Variants in HNRNPH3 observed in about 807,000 individuals in gnomAD.
The protein encoded by HNRNPH3 is heterogeneous nuclear ribonucleoprotein H3, also known as heterogeneous nuclear ribonucleoprotein 2H9.
A neutral mutation model predicts 47.0 loss-of-function variants in HNRNPH3; 7 were observed. The ratio of observed to expected loss-of-function variants is 0.15; its 90% confidence interval spans 0.08 to 0.28. The LOEUF is 0.28. Ranked by LOEUF, HNRNPH3 falls within the 10% of genes least tolerant of loss-of-function variation. The pLI is 1.00. For synonymous variants in HNRNPH3, 120 were observed against 143.2 expected, an observed-to-expected ratio of 0.84 and a Z score of 1.16; for missense variants, 279 against 449.6, an observed-to-expected ratio of 0.62 and a Z score of 3.43.
intron 1 of HNRNPH3, 200 bp from the exon 2 acceptor site, chr10:68,336,999 G>A (rs912887819): frequency 9.2e-5 from 39 of 425,816 alleles, no homozygotes; most frequent in African/African-American, 3.3e-4. Context: ...GTACTTTTCC[G>A]TAGGAGGGGG....
intron 1 of HNRNPH3, among the ~76,000 whole-genome samples, chr10:68,334,816 GA>G (rs2045453281): frequency 6.6e-6 from 1 of 152,208 alleles, no homozygotes; most frequent in African/African-American, 2.4e-5. Flanking sequence ...TTGTTGCAAA[GA>G]AAGGTTGAGG....
At chr10:68,333,842 G>A (rs748171711) in intron 1 of HNRNPH3, among the ~76,000 whole-genome samples, 2 of 152,182 alleles carry the variant, frequency 1.3e-5, no homozygotes, top group Non-Finnish European at 2.9e-5. Flanking sequence ...GCTTTCTCAA[G>A]ATTGCCAAGG....
In HNRNPH3 at chr10:68,337,798, G is replaced by A; in HGVS notation, c.113-60G>A. ...TTGTTTTAAATATTTGATTCAGATG[G>A]GAATGTTTCAGCCTTTAACACTGTT... On this transcript the variant is annotated intron_variant, in intron 2 of 9. Coordinates refer to ENST00000265866, the MANE Select transcript of HNRNPH3 (RefSeq NM_012207.3). This position sits in a 1 kb window ranked among gnomAD's most constrained non-coding sequence, Gnocchi z 4.5. 1 of 1,384,368 alleles carries A rather than the reference G, an allele frequency of 7.2e-7. No individual in the cohort carries two copies. The highest frequency in any genetic ancestry group is 1.0e-6 in the Non-Finnish European group (1 of 1,003,214). 85.8% of individuals were successfully genotyped at this position (1,384,368 alleles called of 1,614,324 possible).
intron 1 of HNRNPH3, among the ~76,000 whole-genome samples, chr10:68,335,162 C>T (rs1284550842): frequency 6.6e-6 from 1 of 151,468 alleles, no homozygotes; most frequent in African/African-American, 2.4e-5. Flanking sequence ...TCCAAAAATC[C>T]AATTGGCTTG....
At position 68,341,958 on chromosome 10, in the gene HNRNPH3, C is replaced by T; in HGVS notation, c.965-20C>T. ...TGCAGATATCTCCTGCTGAGTGATT[C>T]TTAATATCTTTTTCTTAAGGCCGTG... On this transcript the variant is annotated intron_variant, in intron 9 of 9. Transcript: ENST00000265866. 6.2e-7 allele frequency: 1 copy of T among 1,612,356 alleles called. No individual in the cohort carries two copies. Among genetic ancestry groups the T allele is most frequent in the South Asian group, 1.1e-5 (1 of 91,026 alleles).
At chr10:68,339,618 ATTC>A in intron 6 of HNRNPH3, 63 bp downstream of exon 6, 1 of 992,714 alleles carries the variant, frequency 1.0e-6, no homozygotes, top group Non-Finnish European at 1.6e-6. Flanking sequence ...ATCTTTAAGC[ATTC>A]TTAATGTTCT....
At chr10:68,339,328 G>C in intron 5 of HNRNPH3, 102 bp downstream of exon 5, 5 of 1,558,994 alleles carry the variant, frequency 3.2e-6, no homozygotes, top group Non-Finnish European at 4.4e-6. Context: ...AGTTAATTCA[G>C]ACAAATTTCA....
intron 5 of HNRNPH3, 92 bp downstream of exon 5, chr10:68,339,318 A>C (rs569021387): frequency 1.3e-6 from 2 of 1,566,064 alleles, no homozygotes; most frequent in African/African-American, 2.7e-5. Flanking sequence ...ACTTGTATAA[A>C]GTTAATTCAG....
chr10:68,335,486 TC>T (rs1385808230), intron 1 of HNRNPH3, among the ~76,000 whole-genome samples: 3 of 152,048 alleles, frequency 2.0e-5, no homozygotes, highest in Non-Finnish European at 2.9e-5. Flanking sequence ...TTTTTTTTTT[TC>T]CCAAACTGGA....
chr10:68,336,872 T>G lies in HNRNPH3; in HGVS notation c.-23-327T>G, dbSNP rs559110112. On this transcript the variant is annotated intron_variant, in intron 1 of 9. Coordinates refer to ENST00000265866, the MANE Select transcript of HNRNPH3 (RefSeq NM_012207.3). ...AAGTGGTGAATGAAAATTTGAGAGATAAGGAAAGGCTAGAGTTGGCATTCA... is the reference window on the plus strand; with the variant it reads ...AAGTGGTGAATGAAAATTTGAGAGAGAAGGAAAGGCTAGAGTTGGCATTCA... The G allele has an allele frequency of 7.4e-4, 143 of 194,070 alleles. 1 individual carries two copies. Among genetic ancestry groups the G allele is most frequent in the Non-Finnish European group, 1.3e-3 (125 of 96,248 alleles). The allele number at this position is 194,070 out of a possible 1,614,324, so 12.0% of individuals were successfully genotyped here. A position where few individuals can be genotyped will look rare whatever the true frequency, so the allele number is the denominator to read the frequency against.
rs1361841238 is a variant in HNRNPH3 at position 68,336,911 on chromosome 10, G to A, written c.-23-288G>A. ...AGTTGGCATTCAGGGGACACAAATA[G>A]TTTGAAGACTCTGGTAGTAGAATTA... On this transcript the variant is annotated intron_variant, in intron 1 of 9. Transcript: ENST00000265866. 18 of 248,396 alleles carry A rather than the reference G, an allele frequency of 7.2e-5. No individual in the cohort carries two copies. In the South Asian group the frequency reaches 9.5e-4, roughly 13 times the overall value. The allele number at this position is 248,396 out of a possible 1,614,324, so 15.4% of individuals were successfully genotyped here. A position where few individuals can be genotyped will look rare whatever the true frequency, so the allele number is the denominator to read the frequency against.
chr10:68,335,420 G>C (rs1419187666), intron 1 of HNRNPH3, among the ~76,000 whole-genome samples: 3 of 132,568 alleles, frequency 2.3e-5, no homozygotes, highest in African/African-American at 7.7e-5. Context: ...TTTTTAGGTT[G>C]GTGCTATTTA....
chr10:68,338,058 T>G, intron 3 of HNRNPH3, 62 bp downstream of exon 3: 1 of 1,279,290 alleles, frequency 7.8e-7, no homozygotes. Context: ...GGGTCACTAT[T>G]GCTTAAATGG....
chr10:68,339,239 T>C lies in HNRNPH3; in HGVS notation c.523+13T>C, dbSNP rs778448588. 2 of 1,579,440 alleles carry C rather than the reference T, an allele frequency of 1.3e-6. No homozygotes were observed. The highest frequency in any genetic ancestry group is 1.7e-5 in the Admixed American group (1 of 58,878). Reference sequence around the variant, plus strand: ...AGAGATGGAAGAGGTAAAATAAATATTAAAGACATTTTTATTCATAGGTAA... The same window carrying C: ...AGAGATGGAAGAGGTAAAATAAATACTAAAGACATTTTTATTCATAGGTAA... On this transcript the variant is annotated intron_variant, in intron 5 of 9. Coordinates refer to ENST00000265866, the MANE Select transcript of HNRNPH3 (RefSeq NM_012207.3).
chr10:68,342,363 A>G lies in HNRNPH3; in HGVS notation c.*309A>G, dbSNP rs908780170. On this transcript the variant is annotated 3_prime_UTR_variant, in exon 10 of 10. Transcript: ENST00000265866. ...GTTGATGTATTTTACTATTAGTTCT[A>G]CAAGAAGTAGTGTGGTGTAATTTTA... The G allele has an allele frequency of 5.9e-5, 14 of 237,082 alleles. No homozygotes were observed. Among genetic ancestry groups the G allele is most frequent in the Non-Finnish European group, 1.2e-4 (14 of 121,424 alleles). The allele number at this position is 237,082 out of a possible 1,614,324, so 14.7% of individuals were successfully genotyped here. A position where few individuals can be genotyped will look rare whatever the true frequency, so the allele number is the denominator to read the frequency against.
rs1564750780 is a variant in HNRNPH3, at chr10:68,337,168, A to G, written c.-23-31A>G. 3.8e-6 allele frequency: 4 copies of G among 1,042,992 alleles called. No homozygotes were observed. The highest frequency in any genetic ancestry group is 5.9e-6 in the Non-Finnish European group (4 of 676,324). 64.6% of individuals were successfully genotyped at this position (1,042,992 alleles called of 1,614,324 possible). A position where few individuals can be genotyped will look rare whatever the true frequency, so the allele number is the denominator to read the frequency against. ...TCTTGACAAGAGTATATTTTGATTG[A>G]CTGCTCTATGTGCTTGTTTATTTTT... On this transcript the variant is annotated intron_variant, in intron 1 of 9. Transcript: ENST00000265866. This position sits in a 1 kb window ranked among gnomAD's most constrained non-coding sequence, Gnocchi z 4.5.
chr10:68,333,356 A>G (rs2045325884), intron 1 of HNRNPH3, among the ~76,000 whole-genome samples: 1 of 152,108 alleles, frequency 6.6e-6, no homozygotes, highest in Admixed American at 6.5e-5. Context: ...TTTAAGTTTT[A>G]CTTTTGGGAA....
In HNRNPH3 at chr10:68,341,265, A is replaced by G. The variant is rs766079624; in HGVS notation, c.731A>G (p.His244Arg). ...GAAGCAGATGTAGAGTTTGTGACAC[A>G]TGAAGATGCAGTAGCTGCCATGTCT... ...TGEADVEFVTHEDAVAAMSKD... is the reference protein window; with the variant it reads ...TGEADVEFVTREDAVAAMSKD... Residue 244 changes from histidine (H) to arginine (R), a missense_variant, in exon 7 of 10, where the codon CAT (histidine) becomes CGT (arginine). His to Arg is a conservative substitution (Grantham distance 29). Transcript: ENST00000265866. The G allele has an allele frequency of 6.2e-7, 1 of 1,606,678 alleles. No homozygotes were observed. Among genetic ancestry groups the G allele is most frequent in the East Asian group, 2.2e-5 (1 of 44,804 alleles).
intron 1 of HNRNPH3, among the ~76,000 whole-genome samples, chr10:68,334,832 T>C (rs1216924941): frequency 6.6e-6 from 1 of 152,248 alleles, no homozygotes; most frequent in East Asian, 1.9e-4. Context: ...TTGAGGTGGA[T>C]TATCCTGAAT....
Sources: allele counts gnomAD v4.1 joint callset (sites outside exome capture counted in the v4.1 genomes callset), GRCh38; gene constraint gnomAD v4.1.1; non-coding constraint Gnocchi (gnomAD v3.1); transcripts MANE v1.5; gene names NCBI Gene and HGNC (gene_info 2026-07-23, HGNC 2026-07-21).